Variants in KCTD6 observed in about 807,000 individuals in gnomAD.
The protein encoded by KCTD6 is potassium channel tetramerization domain containing 6.
In KCTD6, 6 loss-of-function variants were observed where a neutral mutation model predicts 18.7. That is an observed-to-expected ratio of 0.32 (90% confidence interval 0.18 to 0.63). The LOEUF (loss-of-function observed/expected upper bound fraction) is 0.63. Ranked by LOEUF, KCTD6 falls within the 30% of genes least tolerant of loss-of-function variation. The pLI is 0.79. For synonymous variants in KCTD6, 86 were observed against 108.5 expected, an observed-to-expected ratio of 0.79 and a Z score of 1.29; for missense variants, 165 against 300.2, an observed-to-expected ratio of 0.55 and a Z score of 3.33.
rs1017237529 is a variant in KCTD6 at position 58,497,262 on chromosome 3, A to T, written c.-43-1451A>T. The stretch of plus-strand genomic sequence containing the variant: ...ATGCTTCAGGCTCTGATTTCAGCCC[A>T]TGCTGTGCTATGCAAATGTTCTCTA... On this transcript the variant is annotated intron_variant, in intron 1 of 2. Transcript: ENST00000404589. The surrounding 1 kb of genome is among the most constrained non-coding windows in gnomAD (Gnocchi z 4.2). 6.6e-6 allele frequency among the ~76,000 whole-genome samples: 1 copy of T among 152,258 alleles called. No individual in the cohort carries two copies. The highest frequency in any genetic ancestry group is 2.4e-5 in the African/African-American group (1 of 41,474).
chr3:58,495,635 T>C (rs531710453), intron 1 of KCTD6, among the ~76,000 whole-genome samples: 1 of 152,322 alleles, frequency 6.6e-6, no homozygotes, highest in South Asian at 2.1e-4. Flanking sequence ...TAATGCACAA[T>C]TTGATTTCTT....
In KCTD6 at chr3:58,496,464, C is replaced by T. The variant is rs184147904; in HGVS notation, c.-43-2249C>T. ...TAAGATGAGGATAGTAATCCCTGCT[C>T]GGCCTACTGGTATCAGGAATGTTGT... On this transcript the variant is annotated intron_variant, in intron 1 of 2. Coordinates refer to ENST00000404589, the MANE Select transcript of KCTD6 (RefSeq NM_001128214.2). This position sits in a 1 kb window ranked among gnomAD's most constrained non-coding sequence, Gnocchi z 5.1. 2.1e-4 allele frequency among the ~76,000 whole-genome samples: 32 copies of T among 152,242 alleles called. No individual in the cohort carries two copies. The highest frequency in any genetic ancestry group is 7.0e-4 in the African/African-American group (29 of 41,530).
rs552415265 is a variant in KCTD6 at position 58,497,836 on chromosome 3, A to T, written c.-43-877A>T. The T allele has an allele frequency of 6.6e-6, 1 of 152,162 alleles. No individual in the cohort carries two copies. Among genetic ancestry groups the T allele is most frequent in the Non-Finnish European group, 1.5e-5 (1 of 68,024 alleles). 9.4% of individuals were successfully genotyped at this position (152,162 alleles called of 1,614,324 possible). A position where few individuals can be genotyped will look rare whatever the true frequency, so the allele number is the denominator to read the frequency against. The stretch of plus-strand genomic sequence containing the variant: ...CTTTTTTTTTTATATTGTAAGATAA[A>T]TACCATTCTGATGTATTTCTCTTGG... On this transcript the variant is annotated intron_variant, in intron 1 of 2. Transcript: ENST00000404589. This position sits in a 1 kb window ranked among gnomAD's most constrained non-coding sequence, Gnocchi z 4.2.
chr3:58,500,988 A>G lies in KCTD6; in HGVS notation c.70A>G (p.Thr24Ala), dbSNP rs761344255. Residue 24 changes from threonine (T) to alanine (A), a missense_variant, in exon 3 of 3, where the codon ACA becomes GCA. Physicochemically the swap from Thr to Ala is moderately conservative, Grantham distance 58. This residue lies in a region of KCTD6 where 59 missense variants were observed against 69.9 expected (regional missense o/e 0.84). Coordinates refer to ENST00000404589, the MANE Select transcript of KCTD6 (RefSeq NM_001128214.2). ...VTLNVGGHLY[T>A]TSLTTLTRYP... Reference sequence around the variant, plus strand: ...ATTAAATGTAGGTGGACACTTGTATACAACGTCTCTCACCACATTGACGCG... The same window carrying G: ...ATTAAATGTAGGTGGACACTTGTATGCAACGTCTCTCACCACATTGACGCG... 6.2e-7 allele frequency: 1 copy of G among 1,607,792 alleles called. No homozygotes were observed. The highest frequency in any genetic ancestry group is 1.1e-5 in the South Asian group (1 of 89,878).
At position 58,492,413 on chromosome 3, in the gene KCTD6, G is replaced by T. The variant is rs1290819788; in HGVS notation, c.-44+244G>T. Among the ~76,000 whole-genome samples, 8 of 151,316 alleles carry T rather than the reference G, an allele frequency of 5.3e-5. No homozygotes were observed. Among genetic ancestry groups the T allele is most frequent in the Middle Eastern group, 3.4e-3 (1 of 292 alleles). On this transcript the variant is annotated intron_variant, in intron 1 of 2. Transcript: ENST00000404589. The surrounding 1 kb of genome is among the most constrained non-coding windows in gnomAD (Gnocchi z 6.1). ...CGGGGCCCGCCCGGCGGGGATGCGC[G>T]GTTTCTGCGGGCCCGGGTTCGGAGC... is the stretch of plus-strand genomic sequence containing the variant.
chr3:58,501,058 C>G lies in KCTD6; in HGVS notation c.140C>G (p.Pro47Arg). Residue 47 changes from proline (P) to arginine (R), a missense_variant, in exon 3 of 3, where the codon CCC becomes CGC. Transcript: ENST00000404589. This position sits in a 1 kb window ranked among gnomAD's most constrained non-coding sequence, Gnocchi z 9.7. ...GGAGCTATGTTTGGGGGGGACTTCC[C>G]CACAGCTCGAGACCCTCAAGGCAAT... Reference protein sequence around the residue: ...MLGAMFGGDFPTARDPQGNYF... With the variant: ...MLGAMFGGDFRTARDPQGNYF... The G allele has an allele frequency of 6.2e-7, 1 of 1,614,134 alleles. No homozygotes were observed. The highest frequency in any genetic ancestry group is 8.5e-7 in the Non-Finnish European group (1 of 1,179,996).
At position 58,493,140 on chromosome 3, in the gene KCTD6, C is replaced by G. The variant is rs1275883231; in HGVS notation, c.-44+971C>G. Among the ~76,000 whole-genome samples the G allele has an allele frequency of 6.6e-6, 1 of 152,002 alleles. No individual in the cohort carries two copies. Among genetic ancestry groups the G allele is most frequent in the Non-Finnish European group, 1.5e-5 (1 of 68,004 alleles). Reference sequence around the variant, plus strand: ...ACAGCATGTAGCACAGTCCTGAGCCCAAGATTGAGATGTTTTCAAATGAAC... The same window carrying G: ...ACAGCATGTAGCACAGTCCTGAGCCGAAGATTGAGATGTTTTCAAATGAAC... On this transcript the variant is annotated intron_variant, in intron 1 of 2. Coordinates refer to ENST00000404589, the MANE Select transcript of KCTD6 (RefSeq NM_001128214.2). This position sits in a 1 kb window ranked among gnomAD's most constrained non-coding sequence, Gnocchi z 4.5.
At chr3:58,500,697 G>A (rs951605953) in intron 2 of KCTD6, among the ~76,000 whole-genome samples, 1 of 152,060 alleles carries the variant, frequency 6.6e-6, no homozygotes, top group Admixed American at 6.5e-5. Context: ...TCAATGCCCT[G>A]TATTCTTAGC....
rs1468365531 is a variant in KCTD6 at position 58,501,114 on chromosome 3, C to T, written c.196C>T (p.Arg66Ter). Residue 66 changes from arginine (R) to a stop codon, truncating the protein, a stop_gained, in exon 3 of 3, where the codon CGA (arginine) becomes TGA (stop). Coordinates refer to ENST00000404589, the MANE Select transcript of KCTD6 (RefSeq NM_001128214.2). LOFTEE classifies it high-confidence loss of function. This position sits in a 1 kb window ranked among gnomAD's most constrained non-coding sequence, Gnocchi z 9.7. Reference protein sequence around the residue: ...YFIDRDGPLFRYVLNFLRTSE... With the variant: ...YFIDRDGPLF The stretch of plus-strand genomic sequence containing the variant: ...TATTGATCGAGATGGACCTCTTTTC[C>T]GATATGTCCTCAACTTCTTAAGAAC... 3 of 1,614,144 alleles carry T rather than the reference C, an allele frequency of 1.9e-6. No individual in the cohort carries two copies. Among genetic ancestry groups the T allele is most frequent in the East Asian group, 2.2e-5 (1 of 44,886 alleles).
chr3:58,500,818 A>G, intron 2 of KCTD6, 128 bp from the exon 3 acceptor site: 5 of 573,562 alleles, frequency 8.7e-6, no homozygotes, highest in Non-Finnish European at 1.2e-5. Flanking sequence ...ATTTTGCATT[A>G]GAGGATTACT....
intron 2 of KCTD6, among the ~76,000 whole-genome samples, chr3:58,500,690 A>G (rs2063201102): frequency 1.3e-5 from 2 of 152,176 alleles, no homozygotes; most frequent in Admixed American, 6.5e-5. Flanking sequence ...CTGGAAGTCA[A>G]TGCCCTGTAT....
rs909275424 is a variant in KCTD6, at chr3:58,498,043, A to G, written c.-43-670A>G. 7.0e-6 allele frequency: 1 copy of G among 143,152 alleles called. No homozygotes were observed. The highest frequency in any genetic ancestry group is 1.5e-5 in the Non-Finnish European group (1 of 67,126). The allele number at this position is 143,152 out of a possible 1,614,324, so 8.9% of individuals were successfully genotyped here. A position where few individuals can be genotyped will look rare whatever the true frequency, so the allele number is the denominator to read the frequency against. On this transcript the variant is annotated intron_variant, in intron 1 of 2. Coordinates refer to ENST00000404589, the MANE Select transcript of KCTD6 (RefSeq NM_001128214.2). The surrounding 1 kb of genome is among the most constrained non-coding windows in gnomAD (Gnocchi z 4.6). Reference sequence around the variant, plus strand: ...GTTGCAGGGGCTGGTGTGCAGTGGCACAGTCTCGGCTCACTGCAACCTCCG... The same window carrying G: ...GTTGCAGGGGCTGGTGTGCAGTGGCGCAGTCTCGGCTCACTGCAACCTCCG...
chr3:58,495,602 C>A (rs2063171996), intron 1 of KCTD6, among the ~76,000 whole-genome samples: 1 of 152,108 alleles, frequency 6.6e-6, no homozygotes, highest in Non-Finnish European at 1.5e-5. Context: ...CTAATCAATA[C>A]TGTTTTTTCC....
In KCTD6 at chr3:58,496,784, G is replaced by A. The variant is rs558765288; in HGVS notation, c.-43-1929G>A. Among the ~76,000 whole-genome samples the A allele has an allele frequency of 6.6e-6, 1 of 152,132 alleles. No homozygotes were observed. The highest frequency in any genetic ancestry group is 2.4e-5 in the African/African-American group (1 of 41,432). On this transcript the variant is annotated intron_variant, in intron 1 of 2. Transcript: ENST00000404589. This position sits in a 1 kb window ranked among gnomAD's most constrained non-coding sequence, Gnocchi z 5.1. ...GTCTTTTTCCTCTTTCTGTGTGTCC[G>A]CATTGCACATAGGCACCCCCTCCAC...
chr3:58,501,110 T>C lies in KCTD6; in HGVS notation c.192T>C (p.Leu64=). ...ACTTTATTGATCGAGATGGACCTCT[T>C]TTCCGATATGTCCTCAACTTCTTAA... ...GNYFIDRDGP[L]FRYVLNFLRT... Residue 64 remains leucine, a synonymous_variant, in exon 3 of 3, where the codon CTT becomes CTC. Transcript: ENST00000404589. This position sits in a 1 kb window ranked among gnomAD's most constrained non-coding sequence, Gnocchi z 9.7. 6.2e-7 allele frequency: 1 copy of C among 1,614,236 alleles called. No homozygotes were observed. Among genetic ancestry groups the C allele is most frequent in the Non-Finnish European group, 8.5e-7 (1 of 1,180,044 alleles).
chr3:58,492,434 G>A lies in KCTD6; in HGVS notation c.-44+265G>A, dbSNP rs561919597. Among the ~76,000 whole-genome samples, 130 of 151,540 alleles carry A rather than the reference G, an allele frequency of 8.6e-4. No individual in the cohort carries two copies. The highest frequency in any genetic ancestry group is 3.1e-3 in the African/African-American group (128 of 41,456). ...GCGCGGTTTCTGCGGGCCCGGGTTC[G>A]GAGCCCCGCGGCGCGCCCCTCGTCC... is the stretch of plus-strand genomic sequence containing the variant. On this transcript the variant is annotated intron_variant, in intron 1 of 2. Coordinates refer to ENST00000404589, the MANE Select transcript of KCTD6 (RefSeq NM_001128214.2). The surrounding 1 kb of genome is among the most constrained non-coding windows in gnomAD (Gnocchi z 6.1).
chr3:58,499,441 T>G (rs995982383), intron 2 of KCTD6, among the ~76,000 whole-genome samples: 1 of 152,152 alleles, frequency 6.6e-6, no homozygotes, highest in Non-Finnish European at 1.5e-5. Context: ...CCACTTGCAT[T>G]TTTTGTGTGT....
rs2063158042 is a variant in KCTD6, at chr3:58,492,203, G to A, written c.-44+34G>A. On this transcript the variant is annotated intron_variant, in intron 1 of 2. Transcript: ENST00000404589. This position sits in a 1 kb window ranked among gnomAD's most constrained non-coding sequence, Gnocchi z 6.1. ...GGCTGGCGCGGGGCTTGCGGGGCCG[G>A]GGTTTGGGAGGGCCGGGTTTCAGGA... 6.7e-6 allele frequency: 1 copy of A among 149,576 alleles called. No individual in the cohort carries two copies. 9.3% of individuals were successfully genotyped at this position (149,576 alleles called of 1,614,324 possible).
rs2063177350 is a variant in KCTD6 at position 58,496,871 on chromosome 3, A to G, written c.-43-1842A>G. ...ATGATTATTGAGGCTGTCAGAATGA[A>G]TACTTTGGGTGATGGGAAAATGCCA... is the stretch of plus-strand genomic sequence containing the variant. On this transcript the variant is annotated intron_variant, in intron 1 of 2. Transcript: ENST00000404589. The surrounding 1 kb of genome is among the most constrained non-coding windows in gnomAD (Gnocchi z 5.1). Among the ~76,000 whole-genome samples, 1 of 152,238 alleles carries G rather than the reference A, an allele frequency of 6.6e-6. No individual in the cohort carries two copies. Among genetic ancestry groups the G allele is most frequent in the South Asian group, 2.1e-4 (1 of 4,836 alleles).
Sources: allele counts gnomAD v4.1 joint callset (sites outside exome capture counted in the v4.1 genomes callset), GRCh38; gene constraint gnomAD v4.1.1; regional missense constraint gnomAD v4.1.1; non-coding constraint Gnocchi (gnomAD v3.1); transcripts MANE v1.5; gene names NCBI Gene and HGNC (gene_info 2026-07-23, HGNC 2026-07-21).